The following ACR variants were observed in gnomAD, a reference collection of about 807,000 sequenced individuals.
ACR encodes acrosin light and heavy chain prepropeptide.
ACR carries 17 observed loss-of-function variants against 26.0 expected under a neutral mutation model. The observed-to-expected ratio is 0.65, with a 90% CI of 0.45 to 0.98. The LOEUF (loss-of-function observed/expected upper bound fraction) is 0.98, where lower values mean the gene tolerates loss of function less well. Ranked by LOEUF, ACR falls within the 50% of genes least tolerant of loss-of-function variation. ACR has a pLI of 0.00. For synonymous variants in ACR, 199 were observed against 207.7 expected (o/e 0.96, Z 0.36); for missense variants, 435 against 519.3 (o/e 0.84, Z 1.58).
In ACR at chr22:50,744,892, C is replaced by T. The variant is rs141343944; in HGVS notation, c.951C>T (p.Ser317=). Residue 317 remains serine (S), a synonymous_variant, in exon 5 of 5, where the codon TCC becomes TCT. Coordinates refer to ENST00000216139, the MANE Select transcript of ACR (RefSeq NM_001097.3). Reference sequence around the variant, plus strand: ...CGCCCCCGATTCGACCCCCCTTCTCCCACCCTATCTCTGCTCACCTTCCTT... The same window carrying T: ...CGCCCCCGATTCGACCCCCCTTCTCTCACCCTATCTCTGCTCACCTTCCTT... The part of the protein sequence containing the change: ...TRPPPIRPPF[S]HPISAHLPWY... The T allele has an allele frequency of 9.4e-6, 15 of 1,593,266 alleles. No homozygotes were observed. Among genetic ancestry groups the T allele is most frequent in the Non-Finnish European group, 1.2e-5 (14 of 1,172,692 alleles).
At chr22:50,738,705 C>T (rs1375009940) in intron 1 of ACR, among the ~76,000 whole-genome samples, 7 of 151,836 alleles carry the variant, frequency 4.6e-5, no homozygotes, top group African/African-American at 1.5e-4. Context: ...CAAGGTACCC[C>T]GAAATACCAA....
chr22:50,742,416 C>T lies in ACR; in HGVS notation c.566-1645C>T, dbSNP rs1201382784. On this transcript the variant is annotated intron_variant, in intron 3 of 4. Coordinates refer to ENST00000216139, the MANE Select transcript of ACR (RefSeq NM_001097.3). ...AAAATTAGCCGGGCATGGTGGCGGG[C>T]GCCTGTAGTCCCAGCTACTCGGGAG... Among the ~76,000 whole-genome samples, 11 of 147,818 alleles carry T rather than the reference C, an allele frequency of 7.4e-5. 1 individual carries two copies. Among genetic ancestry groups the T allele is most frequent in the Admixed American group, 1.4e-4 (2 of 14,786 alleles).
rs773438105 is a variant in ACR at position 50,744,954 on chromosome 22, G to C, written c.1013G>C (p.Arg338Pro). 57 of 1,423,274 alleles carry C rather than the reference G, an allele frequency of 4.0e-5. No homozygotes were observed. Among genetic ancestry groups the C allele is most frequent in the African/African-American group, 9.3e-5 (5 of 53,806 alleles). The allele number at this position is 1,423,274 out of a possible 1,614,324, so 88.2% of individuals were successfully genotyped here. A position where few individuals can be genotyped will look rare whatever the true frequency, so the allele number is the denominator to read the frequency against. ...CCGCCCCCTCGACCACTTCCACCCC[G>C]ACCACCGGCAGCCCAGCCCCGACCC... ...FQPPPRPLPPRPPAAQPRPPP... is the reference protein window; with the variant it reads ...FQPPPRPLPPPPPAAQPRPPP... The change falls in exon 5 of 5, where the codon CGA (arginine) becomes CCA (proline). Residue 338 changes from arginine (R) to proline (P), a missense_variant. This residue lies in a region of ACR where 92 missense variants were observed against 87.8 expected (regional missense o/e 1.05). Transcript: ENST00000216139.
chr22:50,739,362 A>G lies in ACR; in HGVS notation c.169A>G (p.Met57Val), dbSNP rs1460139814. The G allele has an allele frequency of 2.5e-6, 4 of 1,613,460 alleles. No homozygotes were observed. Among genetic ancestry groups the G allele is most frequent in the Non-Finnish European group, 3.4e-6 (4 of 1,179,754 alleles). Residue 57 changes from methionine to valine, a missense_variant, in exon 2 of 5, where the codon ATG becomes GTG. Physicochemically the swap from Met to Val is conservative, Grantham distance 21. This residue lies in a region of ACR where 314 missense variants were observed against 372.0 expected (regional missense o/e 0.84). Transcript: ENST00000216139. The surrounding 1 kb of genome is among the most constrained non-coding windows in gnomAD (Gnocchi z 5.5). ...TGCACAGCATGGGGCCTGGCCCTGG[A>G]TGGTCAGCCTCCAGATCTTCACGTA... The part of the protein sequence containing the change: ...KAAQHGAWPW[M>V]VSLQIFTYNS...
chr22:50,743,156 C>T (rs969427240), intron 3 of ACR, among the ~76,000 whole-genome samples: 4 of 150,718 alleles, frequency 2.7e-5, no homozygotes, highest in African/African-American at 9.8e-5. Context: ...CTGCCTCAGC[C>T]TCCCGAGTAG....
At chr22:50,740,910 A>G (rs2083422350) in intron 3 of ACR, 5 of 559,800 alleles carry the variant, frequency 8.9e-6, no homozygotes, top group South Asian at 2.1e-5. Context: ...ATACTTAGGC[A>G]CACTAGAGAT....
Position 50,739,763 on chromosome 22 carries a change from G to A in ACR, c.351G>A (p.Lys117=). The A allele has an allele frequency of 6.3e-7, 1 of 1,582,348 alleles. No homozygotes were observed. The highest frequency in any genetic ancestry group is 8.6e-7 in the Non-Finnish European group (1 of 1,167,198). The change falls in exon 3 of 5, where the codon AAG becomes AAA. Residue 117 remains lysine, a synonymous_variant. Transcript: ENST00000216139. The surrounding 1 kb of genome is among the most constrained non-coding windows in gnomAD (Gnocchi z 5.5). The part of the protein sequence containing the change: ...EITYGNNKPV[K]APLQERYVEK... ...CATATGGGAACAATAAACCAGTAAA[G>A]GCGCCTCTGCAAGAGAGATATGTGG... is the stretch of plus-strand genomic sequence containing the variant.
rs759056819 is a variant in ACR at position 50,739,892 on chromosome 22, G to A, written c.480G>A (p.Pro160=). The part of the protein sequence containing the change: ...PPISCGRFIG[P]GCLPHFKAGL... ...TTTCGTGTGGGCGCTTCATTGGGCC[G>A]GGCTGCCTGCCCCACTTTAAGGCAG... The change falls in exon 3 of 5, where the codon CCG becomes CCA. Residue 160 remains proline, a synonymous_variant. Coordinates refer to ENST00000216139, the MANE Select transcript of ACR (RefSeq NM_001097.3). This position sits in a 1 kb window ranked among gnomAD's most constrained non-coding sequence, Gnocchi z 5.5. 19 of 1,613,620 alleles carry A rather than the reference G, an allele frequency of 1.2e-5. No homozygotes were observed. The highest frequency in any genetic ancestry group is 1.6e-4 in the Middle Eastern group (1 of 6,062).
At chr22:50,740,432 C>T (rs2083420271) in intron 3 of ACR, 3 of 609,588 alleles carry the variant, frequency 4.9e-6, no homozygotes, top group African/African-American at 3.7e-5. Context: ...TTCCTAACAC[C>T]TGTGATTCCA....
intron 3 of ACR, 43 bp from the exon 4 acceptor site, chr22:50,744,018 C>A (rs369793555): frequency 1.4e-6 from 2 of 1,408,368 alleles, no homozygotes; most frequent in Admixed American, 1.7e-5. Flanking sequence ...GGCTTTTGTC[C>A]GTGTCTCCCG....
chr22:50,743,249 A>G (rs1005782098), intron 3 of ACR, among the ~76,000 whole-genome samples: 1 of 151,784 alleles, frequency 6.6e-6, no homozygotes, highest in Non-Finnish European at 1.5e-5. Flanking sequence ...GTTAGCCAGG[A>G]TGGTCTCGAA....
chr22:50,745,033 C>T lies in ACR; in HGVS notation c.1092C>T (p.Pro364=), dbSNP rs1335077206. The part of the protein sequence containing the change: ...PPPPASPLPP[P]PPPPPPTPSS... Reference sequence around the variant, plus strand: ...CTCCAGCCTCACCTTTACCCCCACCCCCACCCCCACCCCCACCTACACCCT... The same window carrying T: ...CTCCAGCCTCACCTTTACCCCCACCTCCACCCCCACCCCCACCTACACCCT... Residue 364 remains proline (P), a synonymous_variant, in exon 5 of 5, where the codon CCC becomes CCT. Coordinates refer to ENST00000216139, the MANE Select transcript of ACR (RefSeq NM_001097.3). The T allele has an allele frequency of 2.1e-5, 12 of 577,830 alleles. No individual in the cohort carries two copies. In the East Asian group the frequency reaches 3.7e-4, roughly 18 times the overall value. The allele number at this position is 577,830 out of a possible 1,614,324, so 35.8% of individuals were successfully genotyped here. A position where few individuals can be genotyped will look rare whatever the true frequency, so the allele number is the denominator to read the frequency against.
chr22:50,740,724 A>G, intron 3 of ACR: 1 of 702,562 alleles, frequency 1.4e-6, no homozygotes, highest in Non-Finnish European at 2.6e-6. Context: ...CCTGGCTCCC[A>G]GAAGATCTCT....
intron 3 of ACR, among the ~76,000 whole-genome samples, chr22:50,741,049 G>A (rs1275514456): frequency 6.6e-6 from 1 of 152,234 alleles, no homozygotes; most frequent in Non-Finnish European, 1.5e-5. Context: ...CTTTCCATAA[G>A]TGGTGCATCT....
intron 3 of ACR, chr22:50,740,706 C>T (rs780676985): frequency 2.8e-6 from 2 of 702,532 alleles, no homozygotes; most frequent in Admixed American, 4.0e-5. Flanking sequence ...CAAGCTGTCT[C>T]TCTCTCCCCT....
rs1022670172 is a variant in ACR, at chr22:50,742,333, G to A, written c.566-1728G>A. On this transcript the variant is annotated intron_variant, in intron 3 of 4. Coordinates refer to ENST00000216139, the MANE Select transcript of ACR (RefSeq NM_001097.3). The stretch of plus-strand genomic sequence containing the variant: ...GCCAAGGAGGGTGGATCACAAGGTC[G>A]TGAGATCGAGACCATCCTGGCTAAC... Among the ~76,000 whole-genome samples, 17 of 151,946 alleles carry A rather than the reference G, an allele frequency of 1.1e-4. No homozygotes were observed. In the South Asian group the frequency reaches 1.7e-3, roughly 15 times the overall value.
chr22:50,739,854 A>C lies in ACR; in HGVS notation c.442A>C (p.Ile148Leu). 2 of 1,611,944 alleles carry C rather than the reference A, an allele frequency of 1.2e-6. No individual in the cohort carries two copies. The highest frequency in any genetic ancestry group is 1.7e-6 in the Non-Finnish European group (2 of 1,178,774). Reference protein sequence around the residue: ...TEGNDIALVEITPPISCGRFI... With the variant: ...TEGNDIALVELTPPISCGRFI... ...GGGAAATGACATTGCCCTCGTGGAG[A>C]TCACCCCTCCCATTTCGTGTGGGCG... Residue 148 changes from isoleucine (I) to leucine (L), a missense_variant, in exon 3 of 5, where the codon ATC becomes CTC. Coordinates refer to ENST00000216139, the MANE Select transcript of ACR (RefSeq NM_001097.3). This position sits in a 1 kb window ranked among gnomAD's most constrained non-coding sequence, Gnocchi z 5.5.
chr22:50,742,092 C>T (rs532492952), intron 3 of ACR, among the ~76,000 whole-genome samples: 262 of 151,880 alleles, frequency 1.7e-3, no homozygotes, highest in Non-Finnish European at 2.8e-3. Context: ...GCCAAGATCA[C>T]GCCACTGCAC....
chr22:50,740,567 G>A (rs1246561788), intron 3 of ACR: 1 of 702,164 alleles, frequency 1.4e-6, no homozygotes, highest in Non-Finnish European at 2.6e-6. Context: ...GACTGGGAAG[G>A]GGACCGGTGG....
Sources: allele counts gnomAD v4.1 joint callset (sites outside exome capture counted in the v4.1 genomes callset), GRCh38; gene constraint gnomAD v4.1.1; regional missense constraint gnomAD v4.1.1; non-coding constraint Gnocchi (gnomAD v3.1); transcripts MANE v1.5; gene names NCBI Gene and HGNC (gene_info 2026-07-23, HGNC 2026-07-21).